Variants in STX2 observed in about 807,000 individuals in gnomAD.
The protein encoded by STX2 is syntaxin 2, also known as syntaxin-2.
Under a neutral mutation model 40.6 loss-of-function variants are expected in STX2, and 27 were observed. That is an observed-to-expected ratio of 0.66 (90% CI 0.49 to 0.92). The LOEUF (loss-of-function observed/expected upper bound fraction) is 0.92, where lower values mean the gene tolerates loss of function less well. Among genes scored for constraint, STX2 ranks in the 40% least tolerant of loss-of-function variants. STX2 has a pLI of 0.00. For missense variants in STX2, 328 were observed against 366.1 expected, an observed-to-expected ratio of 0.90 and a Z score of 0.85; for synonymous variants, 123 against 119.1, an observed-to-expected ratio of 1.03 and a Z score of -0.22.
chr12:130,815,895 G>T (rs1297395278), intron 3 of STX2, among the ~76,000 whole-genome samples: 1 of 152,138 alleles, frequency 6.6e-6, no homozygotes, highest in African/African-American at 2.4e-5. Context: ...TTAAAATCAT[G>T]GAGGTAGGTA....
At chr12:130,815,454 A>G (rs1453263527) in intron 3 of STX2, among the ~76,000 whole-genome samples, 1 of 152,234 alleles carries the variant, frequency 6.6e-6, no homozygotes, top group African/African-American at 2.4e-5. Flanking sequence ...ACTGGCCTGC[A>G]TAACTGCCAG....
chr12:130,806,284 G>A (rs1362039593), intron 6 of STX2, among the ~76,000 whole-genome samples: 1 of 152,164 alleles, frequency 6.6e-6, no homozygotes, highest in Non-Finnish European at 1.5e-5. Flanking sequence ...GCTCCGTGGG[G>A]GCCGGCAGAA....
chr12:130,802,473 C>T (rs1951269519), intron 6 of STX2, among the ~76,000 whole-genome samples: 1 of 152,078 alleles, frequency 6.6e-6, no homozygotes, highest in Non-Finnish European at 1.5e-5. Flanking sequence ...GCTCGGATTG[C>T]AGGTGTGAGC....
At chr12:130,822,010 G>A (rs538393951) in intron 2 of STX2, among the ~76,000 whole-genome samples, 4 of 152,162 alleles carry the variant, frequency 2.6e-5, no homozygotes, top group African/African-American at 4.8e-5. Context: ...AACATTCACC[G>A]GGAAAACCTA....
intron 3 of STX2, among the ~76,000 whole-genome samples, chr12:130,818,185 A>AAAAAAAAAAAAAAAAAAATAT: frequency 1.4e-5 from 1 of 70,588 alleles, no homozygotes; most frequent in African/African-American, 1.2e-4. Flanking sequence ...AAAAAAAAAA[A>AAAAAAAAAAAAAAAAAAATAT]ATATATATAT....
intron 3 of STX2, among the ~76,000 whole-genome samples, chr12:130,819,159 C>A (rs1232242859): frequency 1.3e-5 from 2 of 152,202 alleles, no homozygotes; most frequent in East Asian, 3.9e-4. Flanking sequence ...ACCTGGCGGC[C>A]GCCGTGCCCA....
At chr12:130,794,266 T>C (rs1249458085) in intron 10 of STX2, among the ~76,000 whole-genome samples, 1 of 151,340 alleles carries the variant, frequency 6.6e-6, no homozygotes, top group African/African-American at 2.4e-5. Context: ...AAGAAAAAAA[T>C]AGAACATCTT....
chr12:130,821,752 G>A lies in STX2; in HGVS notation c.142C>T (p.Gln48Ter), dbSNP rs747349239. Residue 48 changes from glutamine (Q) to a stop codon, truncating the protein, a stop_gained, in exon 3 of 11, where the codon CAA (glutamine) becomes TAA (stop). Coordinates refer to ENST00000392373, the MANE Select transcript of STX2 (RefSeq NM_194356.4). LOFTEE classifies it high-confidence loss of function. ...EIRNSIDKIT[Q>*]YVEEVKKNHS... The stretch of plus-strand genomic sequence containing the variant: ...TTTTTCTTTACTTCTTCAACATATT[G>A]AGTTATTTTATCAATACTGTTTCTA... 1.9e-6 allele frequency: 3 copies of A among 1,612,738 alleles called. No individual in the cohort carries two copies. In the East Asian group the frequency reaches 6.7e-5, roughly 36 times the overall value.
At chr12:130,820,995 A>C (rs968414109) in intron 3 of STX2, among the ~76,000 whole-genome samples, 1 of 152,190 alleles carries the variant, frequency 6.6e-6, no homozygotes, top group Non-Finnish European at 1.5e-5. Context: ...TCTCTTCTCT[A>C]TAGCTCCCAC....
intron 2 of STX2, among the ~76,000 whole-genome samples, chr12:130,822,099 C>CA (rs1443883299): frequency 6.6e-6 from 1 of 152,174 alleles, no homozygotes; most frequent in Admixed American, 6.5e-5. Flanking sequence ...TACTAATACC[C>CA]ATTCTCAGTA....
At chr12:130,828,574 A>C (rs888699671) in intron 1 of STX2, among the ~76,000 whole-genome samples, 1 of 151,794 alleles carries the variant, frequency 6.6e-6, no homozygotes, top group Admixed American at 6.6e-5. Flanking sequence ...GCAGCACTTC[A>C]AGACAAAATG....
intron 1 of STX2, among the ~76,000 whole-genome samples, chr12:130,831,258 A>G (rs536630591): frequency 6.6e-6 from 1 of 152,376 alleles, no homozygotes; most frequent in Admixed American, 6.5e-5. Context: ...AATAAATTAT[A>G]AACCTTGACA....
intron 1 of STX2, among the ~76,000 whole-genome samples, chr12:130,829,104 C>G (rs1307176289): frequency 6.6e-6 from 1 of 152,092 alleles, no homozygotes; most frequent in African/African-American, 2.4e-5. Flanking sequence ...CTAGTCCCCA[C>G]CATGAGGCAG....
At chr12:130,827,097 G>C (rs1352771162) in intron 2 of STX2, 96 bp downstream of exon 2, 5 of 562,116 alleles carry the variant, frequency 8.9e-6, no homozygotes, top group Non-Finnish European at 1.6e-5. Context: ...GGGGAGGGGA[G>C]GAAAGGGAGA....
intron 4 of STX2, 141 bp downstream of exon 4, chr12:130,812,815 TG>T: frequency 4.8e-6 from 3 of 624,232 alleles, no homozygotes; most frequent in Non-Finnish European, 8.3e-6. Context: ...ATTAGTACTC[TG>T]AATTACATAC....
At chr12:130,820,044 G>A (rs1436348164) in intron 3 of STX2, among the ~76,000 whole-genome samples, 10 of 152,050 alleles carry the variant, frequency 6.6e-5, no homozygotes, top group Admixed American at 2.0e-4. Flanking sequence ...TTTTTTCAAC[G>A]TACGGCTACA....
At chr12:130,824,955 C>G (rs145305141) in intron 2 of STX2, among the ~76,000 whole-genome samples, 5 of 152,108 alleles carry the variant, frequency 3.3e-5, no homozygotes, top group Non-Finnish European at 7.3e-5. Flanking sequence ...CCCTGAGACG[C>G]CAGCAGCAAA....
At chr12:130,833,024 T>C (rs773160591) in intron 1 of STX2, among the ~76,000 whole-genome samples, 1 of 152,216 alleles carries the variant, frequency 6.6e-6, no homozygotes, top group Non-Finnish European at 1.5e-5. Flanking sequence ...TTGATTCATC[T>C]GCTCAGCTGC....
intron 3 of STX2, among the ~76,000 whole-genome samples, chr12:130,813,931 G>A (rs1180114095): frequency 6.6e-6 from 1 of 152,192 alleles, no homozygotes; most frequent in Non-Finnish European, 1.5e-5. Flanking sequence ...ATCAGCCGGG[G>A]AAAAGGCAAA....
Sources: gnomAD v4.1 joint callset for allele counts (sites outside exome capture counted in the v4.1 genomes callset) on GRCh38, gnomAD v4.1.1 for gene constraint, MANE v1.5 for transcripts, NCBI Gene and HGNC (gene_info 2026-07-23, HGNC 2026-07-21) for gene names.